Variants in GALK2 observed in about 807,000 individuals in gnomAD.
The protein encoded by GALK2 is galactokinase 2.
In GALK2, 36 loss-of-function variants were observed where a neutral mutation model predicts 52.4. That is an observed-to-expected ratio of 0.69 (90% CI 0.53 to 0.91). GALK2 has a LOEUF of 0.91. Among genes scored for constraint, GALK2 ranks in the 40% least tolerant of loss-of-function variants. The pLI is 0.00. For synonymous variants in GALK2, 176 were observed against 199.1 expected (o/e 0.88, Z 0.98); for missense variants, 579 against 559.1 (o/e 1.04, Z -0.36).
chr15:49,318,954 CTTTT>C (rs35217317), intron 8 of GALK2: 15 of 420,682 alleles, frequency 3.6e-5, no homozygotes, highest in Admixed American at 7.8e-5. Flanking sequence ...TTCTTTCTTT[CTTTT>C]TTTTTTTTTT....
At chr15:49,205,446 A>G (rs1181128310) in intron 2 of GALK2, among the ~76,000 whole-genome samples, 3 of 152,100 alleles carry the variant, frequency 2.0e-5, no homozygotes, top group African/African-American at 7.2e-5. Context: ...GTGGTATCAC[A>G]TTGTGGTTTT....
At chr15:49,298,563 CTTA>C (rs2034688126) in intron 8 of GALK2, among the ~76,000 whole-genome samples, 1 of 151,942 alleles carries the variant, frequency 6.6e-6, no homozygotes, top group Non-Finnish European at 1.5e-5. Flanking sequence ...ATAGATGGCT[CTTA>C]TTATTTTGAG....
At chr15:49,283,807 A>C (rs1416209792) in intron 7 of GALK2, 89 bp downstream of exon 7, 1 of 1,351,642 alleles carries the variant, frequency 7.4e-7, no homozygotes, top group African/African-American at 1.5e-5. Context: ...TCTTTCCCCA[A>C]ATTTTAGGGC....
At chr15:49,156,054 C>T (rs756267245) in intron 1 of GALK2, 6 of 1,607,622 alleles carry the variant, frequency 3.7e-6, no homozygotes, top group Admixed American at 1.7e-5. Context: ...TGCATTTAGC[C>T]CACACATTGC....
At chr15:49,223,215 C>G (rs917265873) in intron 3 of GALK2, 2 of 151,974 alleles carry the variant, frequency 1.3e-5, no homozygotes, top group Admixed American at 1.3e-4. Flanking sequence ...TTTGTATTTC[C>G]ATGGTATCAG....
downstream of GALK2, among the ~76,000 whole-genome samples, chr15:49,333,258 CCT>C (rs1195813131): frequency 6.6e-6 from 1 of 152,106 alleles, no homozygotes; most frequent in African/African-American, 2.4e-5. Context: ...ACTAATCCTC[CCT>C]CTTTCTGATT....
At position 49,328,208 on chromosome 15, in the gene GALK2, G is replaced by A. The variant is rs760278080; in HGVS notation, c.*49G>A. The A allele has an allele frequency of 5.1e-6, 8 of 1,561,096 alleles. No individual in the cohort carries two copies. Among genetic ancestry groups the A allele is most frequent in the African/African-American group, 1.4e-5 (1 of 73,342 alleles). The stretch of plus-strand genomic sequence containing the variant: ...AACTACTTAGGGCACTTAGGAATTG[G>A]CAGGACTTTCTGTGCCACAGTAAAT... On this transcript the variant is annotated 3_prime_UTR_variant, in exon 10 of 10. Transcript: ENST00000560031.
At position 49,177,654 on chromosome 15, in the gene GALK2, G is replaced by A. The variant is rs962619221; in HGVS notation, c.53+7279G>A. ...TTGTGCCTTTTCCAAGATGCACAGT[G>A]AGAATCACCAGGAGTGTGGTGGAAC... On this transcript the variant is annotated intron_variant, in intron 1 of 9. Coordinates refer to ENST00000560031, the MANE Select transcript of GALK2 (RefSeq NM_002044.4). 7 of 281,272 alleles carry A rather than the reference G, an allele frequency of 2.5e-5. No individual in the cohort carries two copies. The East Asian group carries it at 5.8e-4, about 23-fold the overall frequency. 17.4% of individuals were successfully genotyped at this position (281,272 alleles called of 1,614,324 possible).
At chr15:49,161,064 G>A (rs1420480118) in intron 1 of GALK2, among the ~76,000 whole-genome samples, 2 of 152,154 alleles carry the variant, frequency 1.3e-5, no homozygotes, top group East Asian at 3.8e-4. Flanking sequence ...TGGATAATAT[G>A]CTTAACAAAT....
At chr15:49,349,852 T>C (rs2042003400) in intron 3 of GALK2, among the ~76,000 whole-genome samples, 1 of 150,512 alleles carries the variant, frequency 6.6e-6, no homozygotes, top group African/African-American at 2.4e-5. Flanking sequence ...GCAAAAACGA[T>C]AAAAAACAAA....
At chr15:49,200,378 C>G (rs1293499604) in intron 1 of GALK2, among the ~76,000 whole-genome samples, 5 of 152,100 alleles carry the variant, frequency 3.3e-5, no homozygotes, top group Admixed American at 3.3e-4. Context: ...AGTATAACCC[C>G]CCAAATTCAT....
intron 3 of GALK2, among the ~76,000 whole-genome samples, chr15:49,235,405 A>G (rs950464888): frequency 1.3e-5 from 2 of 151,948 alleles, no homozygotes; most frequent in Admixed American, 1.3e-4. Flanking sequence ...CAAAATCATC[A>G]TTTTGTTTAT....
At chr15:49,363,065 C>T (rs1187276103) in intron 3 of GALK2, among the ~76,000 whole-genome samples, 1 of 152,108 alleles carries the variant, frequency 6.6e-6, no homozygotes. Flanking sequence ...ATGATTCCTC[C>T]AGCTTTGTCC....
At chr15:49,202,136 T>G (rs1366053280) in intron 2 of GALK2, among the ~76,000 whole-genome samples, 4 of 152,188 alleles carry the variant, frequency 2.6e-5, no homozygotes, top group Non-Finnish European at 5.9e-5. Context: ...CCCGAGTAGC[T>G]GGGATTACAG....
intron 1 of GALK2, among the ~76,000 whole-genome samples, chr15:49,198,177 T>G (rs1008271763): frequency 1.3e-5 from 2 of 152,192 alleles, no homozygotes; most frequent in Non-Finnish European, 2.9e-5. Context: ...TGTATTCTTT[T>G]TTGTTGTTGT....
chr15:49,184,530 T>C (rs574836897), intron 1 of GALK2, among the ~76,000 whole-genome samples: 2 of 152,302 alleles, frequency 1.3e-5, no homozygotes, highest in African/African-American at 4.8e-5. Context: ...GGTGTTCTTG[T>C]TGTTTTGTAG....
chr15:49,199,581 C>A (rs752571518), intron 1 of GALK2, among the ~76,000 whole-genome samples: 2 of 152,112 alleles, frequency 1.3e-5, no homozygotes, highest in Non-Finnish European at 2.9e-5. Flanking sequence ...ACTAAATGAC[C>A]TCACCCTTTG....
intron 1 of GALK2, among the ~76,000 whole-genome samples, chr15:49,180,371 T>A (rs1007554030): frequency 2.0e-5 from 3 of 152,224 alleles, no homozygotes; most frequent in Non-Finnish European, 4.4e-5. Flanking sequence ...TTTCCCACAT[T>A]TAATTGTACC....
chr15:49,360,709 C>T (rs1316567740), intron 3 of GALK2, among the ~76,000 whole-genome samples: 1 of 152,094 alleles, frequency 6.6e-6, no homozygotes, highest in Non-Finnish European at 1.5e-5. Context: ...ATTCAAATAT[C>T]AAGTGACCAA....
Sources: gnomAD v4.1 joint callset for allele counts (sites outside exome capture counted in the v4.1 genomes callset) on GRCh38, gnomAD v4.1.1 for gene constraint, MANE v1.5 for transcripts, NCBI Gene and HGNC (gene_info 2026-07-23, HGNC 2026-07-21) for gene names.